The following CLEC16A variants were observed in gnomAD, a reference collection of about 807,000 sequenced individuals.
CLEC16A encodes the protein protein CLEC16A.
Under a neutral mutation model 109.5 loss-of-function variants are expected in CLEC16A, and 51 were observed. The ratio of observed to expected loss-of-function variants is 0.47; its 90% CI spans 0.37 to 0.59. The LOEUF is 0.59. Ranked by LOEUF, CLEC16A falls within the 20% of genes least tolerant of loss-of-function variation. The pLI is 0.00. For synonymous variants in CLEC16A, 673 were observed against 564.2 expected (o/e 1.19, Z -2.73); for missense variants, 1,339 against 1,394.0 (o/e 0.96, Z 0.63).
At chr16:11,072,500 G>A (rs762682209) in intron 19 of CLEC16A, among the ~76,000 whole-genome samples, 28 of 152,172 alleles carry the variant, frequency 1.8e-4, no homozygotes, top group Non-Finnish European at 3.5e-4. Flanking sequence ...AGATAATCCA[G>A]TCCTTGAAAA....
At chr16:11,173,095 CAACT>C (rs2068593284) in intron 23 of CLEC16A, among the ~76,000 whole-genome samples, 1 of 152,238 alleles carries the variant, frequency 6.6e-6, no homozygotes, top group African/African-American at 2.4e-5. Flanking sequence ...CCATTTGGGC[CAACT>C]GAGAGTCAGA....
intron 23 of CLEC16A, among the ~76,000 whole-genome samples, chr16:11,166,934 A>AT (rs148186522): frequency 0.017 from 2,604 of 150,394 alleles, 78 homozygotes; most frequent in African/African-American, 0.06. Flanking sequence ...GTTCCTGCTG[A>AT]TTTTTTTTTT....
intron 21 of CLEC16A, among the ~76,000 whole-genome samples, chr16:11,124,778 CA>C (rs2052682152): frequency 1.3e-5 from 2 of 152,152 alleles, no homozygotes; most frequent in Admixed American, 1.3e-4. Context: ...GGTGCTTTCT[CA>C]AGGGATAACT....
In CLEC16A at chr16:10,969,276, C is replaced by A; in HGVS notation, c.459C>A (p.Leu153=). 1 of 1,611,100 alleles carries A rather than the reference C, an allele frequency of 6.2e-7. No individual in the cohort carries two copies. The highest frequency in any genetic ancestry group is 8.5e-7 in the Non-Finnish European group (1 of 1,178,588). ...ISFLKTLSLK[L]NNHTVHFFYN... ...TCCTGAAAACACTTTCGTTAAAACT[C>A]AACAACCACACTGTCCATTTCTTTT... The change falls in exon 4 of 24, where the codon CTC becomes CTA. Residue 153 remains leucine (L), a synonymous_variant. Transcript: ENST00000409790.
intron 3 of CLEC16A, among the ~76,000 whole-genome samples, chr16:10,963,063 C>A (rs3871208): frequency 0.19 from 28,516 of 148,456 alleles, 3,397 homozygotes; most frequent in African/African-American, 0.35. Context: ...TCTCCAACAA[C>A]AACAAAAAAA....
chr16:11,134,228 A>C (rs1597507276), intron 22 of CLEC16A, among the ~76,000 whole-genome samples: 1 of 138,046 alleles, frequency 7.2e-6, no homozygotes, highest in Admixed American at 7.9e-5. Context: ...AACAGCAGCC[A>C]CCTAAGGCCT....
intron 18 of CLEC16A, chr16:11,056,886 C>T (rs572749466): frequency 2.0e-5 from 3 of 152,182 alleles, no homozygotes; most frequent in African/African-American, 7.2e-5. Flanking sequence ...TTCTTTTCGT[C>T]GTAGCACAAG....
At chr16:11,175,923 C>T (rs899200589) in intron 23 of CLEC16A, among the ~76,000 whole-genome samples, 10 of 152,202 alleles carry the variant, frequency 6.6e-5, no homozygotes, top group African/African-American at 1.9e-4. Flanking sequence ...ACACTTACAT[C>T]GAAATTTTAA....
rs2042229711 is a variant in CLEC16A, at chr16:10,961,062, CG to C, written c.210-1389del. 6.6e-6 allele frequency among the ~76,000 whole-genome samples: 1 copy of C among 152,136 alleles called. No individual in the cohort carries two copies. ...ATGCTAGACCTACCCTGTCAATCCC[CG>C]GGGCAAGATCTAGGTACAGGCATTT... is the stretch of plus-strand genomic sequence containing the variant. On this transcript the variant is annotated intron_variant, in intron 2 of 23. Transcript: ENST00000409790. This position sits in a 1 kb window ranked among gnomAD's most constrained non-coding sequence, Gnocchi z 4.3.
chr16:11,091,917 GTTCT>G (rs2152966036), intron 19 of CLEC16A, among the ~76,000 whole-genome samples: 1 of 152,234 alleles, frequency 6.6e-6, no homozygotes, highest in East Asian at 1.9e-4. Context: ...CAGCAGGGGT[GTTCT>G]GACACCCTGG....
chr16:11,055,315 C>A (rs8044044), intron 18 of CLEC16A, among the ~76,000 whole-genome samples: 1 of 152,120 alleles, frequency 6.6e-6, no homozygotes, highest in East Asian at 1.9e-4. Flanking sequence ...ATAGAGTGAT[C>A]GGAAGAGCTT....
chr16:11,086,906 T>C (rs1178152643), intron 19 of CLEC16A, among the ~76,000 whole-genome samples: 2 of 152,208 alleles, frequency 1.3e-5, no homozygotes, highest in Non-Finnish European at 2.9e-5. Context: ...GAGGCAGTTC[T>C]GTGTCTGGGC....
At chr16:11,168,929 G>A (rs2068387835) in intron 23 of CLEC16A, among the ~76,000 whole-genome samples, 1 of 152,200 alleles carries the variant, frequency 6.6e-6, no homozygotes, top group African/African-American at 2.4e-5. Context: ...ACCCTGCGTG[G>A]CTCGCTCACC....
At chr16:11,085,575 G>C (rs2049966909) in intron 19 of CLEC16A, among the ~76,000 whole-genome samples, 1 of 152,274 alleles carries the variant, frequency 6.6e-6, no homozygotes, top group South Asian at 2.1e-4. Flanking sequence ...AATGGCTGAA[G>C]ACAGTGCCGT....
chr16:11,088,091 A>C (rs2050109607), intron 19 of CLEC16A, among the ~76,000 whole-genome samples: 1 of 152,234 alleles, frequency 6.6e-6, no homozygotes, highest in African/African-American at 2.4e-5. Context: ...CTCTGTCTCG[A>C]AAGGGGCCTC....
intron 4 of CLEC16A, 101 bp from the exon 5 acceptor site, chr16:10,971,024 T>A (rs969258353): frequency 2.2e-4 from 133 of 607,248 alleles, no homozygotes; most frequent in Non-Finnish European, 2.6e-4. Context: ...TTTTTTTTTT[T>A]TGTCTTTTTC....
chr16:11,106,918 G>A (rs894410857), intron 19 of CLEC16A, among the ~76,000 whole-genome samples: 3 of 152,120 alleles, frequency 2.0e-5, no homozygotes, highest in African/African-American at 7.2e-5. Context: ...GCCCGGCTTG[G>A]GACTGTTGCC....
intron 22 of CLEC16A, among the ~76,000 whole-genome samples, chr16:11,140,723 C>G (rs9929486): frequency 0.014 from 2,099 of 152,272 alleles, 32 homozygotes; most frequent in African/African-American, 0.047. Flanking sequence ...ACCTGCTGTG[C>G]CCAGGTGTAA....
chr16:11,104,422 C>T (rs534970455), intron 19 of CLEC16A, among the ~76,000 whole-genome samples: 1 of 152,166 alleles, frequency 6.6e-6, no homozygotes, highest in Admixed American at 6.5e-5. Flanking sequence ...CCACCACACC[C>T]AGCATATCCC....
Sources: gnomAD v4.1 joint callset for allele counts (sites outside exome capture counted in the v4.1 genomes callset) on GRCh38, gnomAD v4.1.1 for gene constraint, Gnocchi (gnomAD v3.1) non-coding constraint, MANE v1.5 for transcripts, NCBI Gene and HGNC (gene_info 2026-07-23, HGNC 2026-07-21) for gene names.